The following AUTS2 variants were observed in gnomAD, a reference collection of about 807,000 sequenced individuals.
AUTS2 encodes activator of transcription and developmental regulator AUTS2, also known as autism susceptibility gene 2 protein.
A neutral mutation model predicts 112.4 loss-of-function variants in AUTS2; 17 were observed. That is an observed-to-expected ratio of 0.15 (90% confidence interval 0.10 to 0.23). The LOEUF is 0.23. AUTS2 is among the 10% of genes least tolerant of loss of function. The pLI is 1.00. For synonymous variants in AUTS2, 751 were observed against 702.7 expected (o/e 1.07, Z -1.09); for missense variants, 1,510 against 1,701.6 (o/e 0.89, Z 1.98).
At chr7:70,215,808 G>A (rs894093870) in intron 4 of AUTS2, among the ~76,000 whole-genome samples, 1 of 152,142 alleles carries the variant, frequency 6.6e-6, no homozygotes, top group Admixed American at 6.5e-5. Context: ...ATTGCTTTCT[G>A]TACATCAAGG....
At chr7:70,084,142 C>G (rs1035500927) in intron 2 of AUTS2, among the ~76,000 whole-genome samples, 19 of 152,066 alleles carry the variant, frequency 1.2e-4, no homozygotes, top group African/African-American at 4.6e-4. Flanking sequence ...ATACATTTTT[C>G]TAGAATTGCA....
chr7:70,693,901 T>C (rs947930148), intron 5 of AUTS2, among the ~76,000 whole-genome samples: 1 of 151,912 alleles, frequency 6.6e-6, no homozygotes, highest in Non-Finnish European at 1.5e-5. Flanking sequence ...CAGCTGTCGA[T>C]GTCGCGCCTG....
At chr7:69,937,305 G>C (rs971416948) in intron 2 of AUTS2, among the ~76,000 whole-genome samples, 1 of 152,198 alleles carries the variant, frequency 6.6e-6, no homozygotes, top group African/African-American at 2.4e-5. Flanking sequence ...TTTATCTGGG[G>C]GAGGGGTTTG....
intron 6 of AUTS2, among the ~76,000 whole-genome samples, chr7:70,722,150 C>T (rs1262937847): frequency 6.6e-6 from 1 of 152,004 alleles, no homozygotes; most frequent in Non-Finnish European, 1.5e-5. Flanking sequence ...GGCCCCAACC[C>T]CTTTTAAAAT....
chr7:70,418,941 G>T (rs1213333546), intron 4 of AUTS2, among the ~76,000 whole-genome samples: 3 of 151,100 alleles, frequency 2.0e-5, no homozygotes, highest in Non-Finnish European at 4.4e-5. Context: ...CTTCATTGTA[G>T]TAGTAATAAT....
chr7:70,184,951 T>C (rs1263814664), intron 4 of AUTS2, among the ~76,000 whole-genome samples: 4 of 152,248 alleles, frequency 2.6e-5, no homozygotes, highest in Non-Finnish European at 5.9e-5. Flanking sequence ...TTATAATTCA[T>C]ATATGAAAAT....
chr7:70,585,102 A>G (rs113318418), intron 5 of AUTS2, among the ~76,000 whole-genome samples: 7 of 152,264 alleles, frequency 4.6e-5, no homozygotes, highest in African/African-American at 1.4e-4. Flanking sequence ...ACCAGTTGGG[A>G]GCTGAGAGAA....
chr7:70,482,622 G>A (rs1797834704), intron 5 of AUTS2, among the ~76,000 whole-genome samples: 1 of 152,162 alleles, frequency 6.6e-6, no homozygotes, highest in Admixed American at 6.5e-5. Context: ...GATTTGGGGG[G>A]AGGGCCTCTG....
rs145525524 is a variant in AUTS2, at chr7:69,765,270, C to A, written c.310-134016C>A. Among the ~76,000 whole-genome samples the A allele has an allele frequency of 1.8e-3, 279 of 152,196 alleles. 3 individuals carry two copies. The highest frequency in any genetic ancestry group is 6.6e-3 in the African/African-American group (273 of 41,518). ...TGATGGGTTCCTTCTGGTCAAGAGC[C>A]CTTATCACACCTAACAGGACACATT... On this transcript the variant is annotated intron_variant, in intron 1 of 18. Transcript: ENST00000342771.
chr7:70,189,563 G>T (rs966244185), intron 4 of AUTS2, among the ~76,000 whole-genome samples: 1 of 152,208 alleles, frequency 6.6e-6, no homozygotes, highest in African/African-American at 2.4e-5. Context: ...CCACTTGGAG[G>T]ACAATCAGTG....
At chr7:70,684,584 C>T (rs1002928095) in intron 5 of AUTS2, among the ~76,000 whole-genome samples, 17 of 134,556 alleles carry the variant, frequency 1.3e-4, no homozygotes, top group African/African-American at 4.3e-4. Context: ...TATGGTGTGG[C>T]GTGGCATGTT....
At chr7:69,840,054 G>T (rs372007750) in intron 1 of AUTS2, among the ~76,000 whole-genome samples, 1 of 152,076 alleles carries the variant, frequency 6.6e-6, no homozygotes, top group Non-Finnish European at 1.5e-5. Flanking sequence ...AACTCTGATG[G>T]GGGTGGGCAG....
intron 5 of AUTS2, among the ~76,000 whole-genome samples, chr7:70,677,492 C>T (rs187923952): frequency 1.8e-4 from 28 of 152,274 alleles, no homozygotes; most frequent in Admixed American, 3.9e-4. Flanking sequence ...TGCATCACTG[C>T]CACACACTCG....
chr7:69,982,240 C>T (rs1024914312), intron 2 of AUTS2, among the ~76,000 whole-genome samples: 1 of 152,102 alleles, frequency 6.6e-6, no homozygotes, highest in South Asian at 2.1e-4. Flanking sequence ...GACTGCTCTG[C>T]TATATTCTCT....
intron 5 of AUTS2, among the ~76,000 whole-genome samples, chr7:70,496,026 C>CA (rs141731362): frequency 0.34 from 31,330 of 90,966 alleles, 7,296 homozygotes; most frequent in Middle Eastern, 0.43. Context: ...CACACCCCCC[C>CA]CACACACATG....
chr7:70,085,465 A>C, intron 2 of AUTS2, among the ~76,000 whole-genome samples: 1 of 151,954 alleles, frequency 6.6e-6, no homozygotes, highest in Non-Finnish European at 1.5e-5. Flanking sequence ...TCTGTGTTCA[A>C]GCAATTATCC....
intron 1 of AUTS2, among the ~76,000 whole-genome samples, chr7:69,839,287 G>T (rs770167943): frequency 2.0e-5 from 3 of 152,100 alleles, no homozygotes; most frequent in Non-Finnish European, 4.4e-5. Context: ...TACCTTGTAA[G>T]TACCTGATTT....
At chr7:70,587,537 C>T (rs38320) in intron 5 of AUTS2, among the ~76,000 whole-genome samples, 20,978 of 152,242 alleles carry the variant, frequency 0.14, 1,732 homozygotes, top group East Asian at 0.2. Flanking sequence ...AGCATCTGTA[C>T]ACAGGTGATC....
intron 2 of AUTS2, among the ~76,000 whole-genome samples, chr7:70,048,422 A>T (rs2129558835): frequency 6.6e-6 from 1 of 152,302 alleles, no homozygotes; most frequent in South Asian, 2.1e-4. Context: ...AAGATTTTGT[A>T]CATATTTCTA....
Sources: gnomAD v4.1 joint callset for allele counts (sites outside exome capture counted in the v4.1 genomes callset) on GRCh38, gnomAD v4.1.1 for gene constraint, MANE v1.5 for transcripts, NCBI Gene and HGNC (gene_info 2026-07-23, HGNC 2026-07-21) for gene names.